The following CAPZB variants were observed in gnomAD, a reference collection of about 807,000 sequenced individuals.
CAPZB encodes the protein F-actin-capping protein subunit beta.
Under a neutral mutation model 38.1 loss-of-function variants are expected in CAPZB, and 2 were observed. The observed-to-expected ratio is 0.05, with a 90% CI of 0.02 to 0.17. CAPZB has a LOEUF of 0.17. Ranked by LOEUF, CAPZB falls within the 10% of genes least tolerant of loss-of-function variation. The pLI is 1.00. For missense variants in CAPZB, 161 were observed against 334.2 expected (o/e 0.48, Z 4.04); for synonymous variants, 107 against 127.4 (o/e 0.84, Z 1.08).
intron 1 of CAPZB, among the ~76,000 whole-genome samples, chr1:19,456,828 A>C (rs2094534592): frequency 6.6e-6 from 1 of 152,250 alleles, no homozygotes; most frequent in South Asian, 2.1e-4. Flanking sequence ...GATGATGCTT[A>C]AATCTCAAAC....
At chr1:19,363,260 A>ATTTTTTTTTTTT in intron 4 of CAPZB, among the ~76,000 whole-genome samples, 1 of 123,150 alleles carries the variant, frequency 8.1e-6, no homozygotes, top group Non-Finnish European at 1.6e-5. Context: ...TAAAAAAAAA[A>ATTTTTTTTTTTT]TTTTTTTTTT....
intron 4 of CAPZB, among the ~76,000 whole-genome samples, chr1:19,371,208 A>G (rs1403327118): frequency 6.6e-6 from 1 of 151,962 alleles, no homozygotes; most frequent in African/African-American, 2.4e-5. Context: ...AGGTGGTGGA[A>G]GAGCCCCATC....
At chr1:19,429,535 G>A (rs965578851) in intron 1 of CAPZB, among the ~76,000 whole-genome samples, 7 of 152,230 alleles carry the variant, frequency 4.6e-5, no homozygotes, top group Admixed American at 3.3e-4. Context: ...ACCTGGGTCC[G>A]ACGGTACTGT....
intron 1 of CAPZB, among the ~76,000 whole-genome samples, chr1:19,462,640 A>G (rs927398534): frequency 2.0e-5 from 3 of 152,186 alleles, no homozygotes; most frequent in Non-Finnish European, 4.4e-5. Context: ...ATAACCACAT[A>G]TGAAACAACA....
intron 6 of CAPZB, among the ~76,000 whole-genome samples, chr1:19,352,521 C>T (rs796479303): frequency 2.6e-5 from 4 of 152,364 alleles, no homozygotes; most frequent in African/African-American, 9.6e-5. Flanking sequence ...GTACAACTTC[C>T]TTTTCAACAT....
chr1:19,376,648 T>C (rs1158089205), intron 4 of CAPZB, among the ~76,000 whole-genome samples: 1 of 152,228 alleles, frequency 6.6e-6, no homozygotes, highest in Non-Finnish European at 1.5e-5. Context: ...CCACTCTACA[T>C]AACAAGTCAG....
chr1:19,385,231 A>G (rs1281260150), intron 3 of CAPZB, among the ~76,000 whole-genome samples: 1 of 152,212 alleles, frequency 6.6e-6, no homozygotes, highest in African/African-American at 2.4e-5. Flanking sequence ...TGGAAGATCC[A>G]TGAAGGCAGG....
intron 1 of CAPZB, among the ~76,000 whole-genome samples, chr1:19,420,928 T>C (rs2094398921): frequency 6.6e-6 from 1 of 152,128 alleles, no homozygotes; most frequent in Non-Finnish European, 1.5e-5. Flanking sequence ...CAATGCACAG[T>C]GGGTTCTAAC....
At chr1:19,459,733 C>G (rs1216251750) in intron 1 of CAPZB, among the ~76,000 whole-genome samples, 1 of 152,164 alleles carries the variant, frequency 6.6e-6, no homozygotes, top group Non-Finnish European at 1.5e-5. Flanking sequence ...CAACAGTGGT[C>G]TGAAAATATT....
chr1:19,442,939 T>C (rs2094483278), intron 1 of CAPZB, among the ~76,000 whole-genome samples: 1 of 152,174 alleles, frequency 6.6e-6, no homozygotes, highest in Non-Finnish European at 1.5e-5. Context: ...GAAGGAGGCC[T>C]TCGCTACTTG....
intron 6 of CAPZB, among the ~76,000 whole-genome samples, chr1:19,353,864 T>G (rs1252028239): frequency 6.6e-6 from 1 of 152,198 alleles, no homozygotes; most frequent in African/African-American, 2.4e-5. Context: ...CTTGACGCCG[T>G]GTGCGGCTCT....
intron 1 of CAPZB, among the ~76,000 whole-genome samples, chr1:19,446,522 T>C (rs2094496406): frequency 1.3e-5 from 2 of 152,210 alleles, no homozygotes; most frequent in African/African-American, 4.8e-5. Context: ...CAAGTAAATG[T>C]CAAAAGCGTT....
intron 1 of CAPZB, among the ~76,000 whole-genome samples, chr1:19,483,212 A>ACTG (rs34465861): frequency 0.23 from 34,318 of 152,054 alleles, 3,952 homozygotes; most frequent in Middle Eastern, 0.32. Flanking sequence ...GGCAATAAAT[A>ACTG]CTGCTCCTCC....
intron 1 of CAPZB, among the ~76,000 whole-genome samples, chr1:19,439,370 T>C (rs1027908757): frequency 2.0e-5 from 3 of 152,234 alleles, no homozygotes; most frequent in African/African-American, 7.2e-5. Flanking sequence ...CAATTATTAA[T>C]AGTAAAGTAT....
At chr1:19,482,418 C>A (rs1232655744) in intron 1 of CAPZB, among the ~76,000 whole-genome samples, 1 of 152,258 alleles carries the variant, frequency 6.6e-6, no homozygotes, top group Admixed American at 6.5e-5. Context: ...TCCTGCCAGG[C>A]AAAACCATCT....
chr1:19,441,046 T>C (rs1037139489), intron 1 of CAPZB, among the ~76,000 whole-genome samples: 3 of 151,918 alleles, frequency 2.0e-5, no homozygotes, highest in African/African-American at 4.8e-5. Flanking sequence ...GGCGACAGAG[T>C]GAGACTCCAT....
At chr1:19,372,060 C>T (rs1412999964) in intron 4 of CAPZB, among the ~76,000 whole-genome samples, 2 of 152,248 alleles carry the variant, frequency 1.3e-5, no homozygotes, top group African/African-American at 4.8e-5. Flanking sequence ...GGACGCCAGC[C>T]TTGTTTCACT....
At chr1:19,402,097 TCTC>T (rs1430909961) in intron 2 of CAPZB, among the ~76,000 whole-genome samples, 2 of 152,134 alleles carry the variant, frequency 1.3e-5, no homozygotes, top group African/African-American at 4.8e-5. Flanking sequence ...TCTCCACCCT[TCTC>T]CTCTGCCAAA....
chr1:19,479,458 G>A (rs929853059), intron 1 of CAPZB, among the ~76,000 whole-genome samples: 3 of 152,276 alleles, frequency 2.0e-5, no homozygotes, highest in African/African-American at 7.2e-5. Flanking sequence ...CCACTATCTA[G>A]GATTTAGACT....
Sources: gnomAD v4.1 joint callset for allele counts (sites outside exome capture counted in the v4.1 genomes callset) on GRCh38, gnomAD v4.1.1 for gene constraint, MANE v1.5 for transcripts, NCBI Gene and HGNC (gene_info 2026-07-23, HGNC 2026-07-21) for gene names.